Variants in CCDC73 observed in about 807,000 individuals in gnomAD.
The protein encoded by CCDC73 is coiled-coil domain containing 73.
In CCDC73, 95 loss-of-function variants were observed where a neutral mutation model predicts 116.5. The ratio of observed to expected loss-of-function variants is 0.82; its 90% CI spans 0.69 to 0.97. CCDC73 has a LOEUF of 0.97. Among genes scored for constraint, CCDC73 ranks in the 50% least tolerant of loss-of-function variants. The pLI, the probability that CCDC73 is intolerant of heterozygous loss-of-function variation, is 0.00. For missense variants in CCDC73, 1,066 were observed against 1,206.8 expected (o/e 0.88, Z 1.73); for synonymous variants, 398 against 401.3 (o/e 0.99, Z 0.10).
At position 32,654,972 on chromosome 11, in the gene CCDC73, C is replaced by T; in HGVS notation, c.646G>A (p.Glu216Lys). ...QEAEICSLKK[E>K]LKKAASDLIK... ...AAGTCTGAGGCTGCTTTTTTTAGTT[C>T]CTTAATAAGAAACATATCAAACAGA... Residue 216 changes from glutamate to lysine, a missense_variant and splice_region_variant, in exon 10 of 18, where the codon GAA becomes AAA. Glu to Lys is a moderately conservative substitution (Grantham distance 56, BLOSUM62 1). Coordinates refer to ENST00000335185, the MANE Select transcript of CCDC73 (RefSeq NM_001008391.4). 1.3e-6 allele frequency: 2 copies of T among 1,584,066 alleles called. No individual in the cohort carries two copies. Among genetic ancestry groups the T allele is most frequent in the Non-Finnish European group, 1.7e-6 (2 of 1,171,712 alleles).
At chr11:32,683,488 C>G (rs368410164) in intron 7 of CCDC73, 48 bp downstream of exon 7, 126 of 1,224,830 alleles carry the variant, frequency 1.0e-4, no homozygotes, top group Non-Finnish European at 1.4e-4. Flanking sequence ...ACCAATCCCC[C>G]TAAGTACTAA....
At chr11:32,748,324 T>C (rs1850258377) in intron 2 of CCDC73, among the ~76,000 whole-genome samples, 1 of 152,202 alleles carries the variant, frequency 6.6e-6, no homozygotes, top group Non-Finnish European at 1.5e-5. Flanking sequence ...GAGGTTACCA[T>C]TAGGCTTGCA....
chr11:32,786,655 T>C (rs1162230934), intron 1 of CCDC73, among the ~76,000 whole-genome samples: 1 of 151,302 alleles, frequency 6.6e-6, no homozygotes, highest in Non-Finnish European at 1.5e-5. Context: ...CAAAAGTACA[T>C]AATAAAAATC....
chr11:32,703,730 G>T (rs933032174), intron 3 of CCDC73, among the ~76,000 whole-genome samples: 5 of 97,976 alleles, frequency 5.1e-5, no homozygotes, highest in South Asian at 3.7e-4. Flanking sequence ...TACCACAAGA[G>T]AATTTCTGGA....
intron 14 of CCDC73, among the ~76,000 whole-genome samples, chr11:32,627,180 A>C (rs1565060044): frequency 6.6e-6 from 1 of 152,268 alleles, no homozygotes; most frequent in Non-Finnish European, 1.5e-5. Context: ...GACACTTCTC[A>C]AAAGAAGATA....
At chr11:32,775,943 CTCAAA>C (rs1850528905) in intron 1 of CCDC73, among the ~76,000 whole-genome samples, 1 of 152,146 alleles carries the variant, frequency 6.6e-6, no homozygotes, top group Non-Finnish European at 1.5e-5. Flanking sequence ...TTTCTTCTCT[CTCAAA>C]TCTTTTTAAT....
intron 3 of CCDC73, among the ~76,000 whole-genome samples, chr11:32,710,608 T>C (rs770768163): frequency 6.6e-6 from 1 of 152,214 alleles, no homozygotes; most frequent in African/African-American, 2.4e-5. Flanking sequence ...GCCTATCATA[T>C]GGTCTTTCCT....
chr11:32,723,349 G>T (rs556048107), intron 2 of CCDC73, among the ~76,000 whole-genome samples: 3 of 152,146 alleles, frequency 2.0e-5, no homozygotes, highest in Admixed American at 6.6e-5. Flanking sequence ...AAAGAGATTT[G>T]TGTAAATATA....
chr11:32,687,043 G>C (rs535078969), intron 6 of CCDC73, among the ~76,000 whole-genome samples: 2 of 152,052 alleles, frequency 1.3e-5, no homozygotes, highest in African/African-American at 4.8e-5. Context: ...AAAGCACACC[G>C]CTTTAGAGAA....
chr11:32,664,643 G>T (rs1855963310), intron 9 of CCDC73, among the ~76,000 whole-genome samples: 1 of 152,122 alleles, frequency 6.6e-6, no homozygotes, highest in African/African-American at 2.4e-5. Context: ...TGCATTCAAT[G>T]ATATTTTTGA....
chr11:32,830,405 G>T, the CCDC73 span: 2 of 1,022,604 alleles, frequency 2.0e-6, no homozygotes, highest in Non-Finnish European at 2.6e-6. Context: ...GCGCTCTTGC[G>T]CCTAGGCTTT....
At chr11:32,692,308 CTA>C (rs1272111891) in intron 6 of CCDC73, among the ~76,000 whole-genome samples, 1 of 151,988 alleles carries the variant, frequency 6.6e-6, no homozygotes, top group Non-Finnish European at 1.5e-5. Flanking sequence ...ACATTTCCTT[CTA>C]TCTTTCTCCA....
At chr11:32,745,740 TTTTG>T in intron 2 of CCDC73, among the ~76,000 whole-genome samples, 1 of 75,666 alleles carries the variant, frequency 1.3e-5, no homozygotes, top group South Asian at 4.9e-4. Context: ...TGTTTGTTTG[TTTTG>T]GTTTTTTTTT....
intron 14 of CCDC73, among the ~76,000 whole-genome samples, chr11:32,623,162 A>G (rs1855538593): frequency 6.6e-6 from 1 of 151,736 alleles, no homozygotes; most frequent in Admixed American, 6.6e-5. Context: ...GCATGCCCCC[A>G]CATGTGGCTG....
Position 32,683,583 on chromosome 11 carries a change from AT to A in CCDC73, c.391-10del. ...AAAGAGTATTTAGAAACCTTGAAAA[AT>A]AAGGGGGAAAAATCTCATTAAAATA... is the stretch of plus-strand genomic sequence containing the variant. On this transcript the variant is annotated splice_polypyrimidine_tract_variant and intron_variant, in intron 6 of 17. Transcript: ENST00000335185. 6.9e-7 allele frequency: 1 copy of A among 1,446,878 alleles called. No homozygotes were observed. The highest frequency in any genetic ancestry group is 9.6e-7 in the Non-Finnish European group (1 of 1,039,904). 89.6% of individuals were successfully genotyped at this position (1,446,878 alleles called of 1,614,324 possible).
the CCDC73 span, among the ~76,000 whole-genome samples, chr11:32,815,160 G>A: frequency 7.2e-5 from 11 of 152,148 alleles, no homozygotes; most frequent in Non-Finnish European, 1.6e-4. Context: ...AATTGTACAT[G>A]TAAAAAGATG....
At chr11:32,652,992 A>G (rs115280464) in intron 12 of CCDC73, 131 bp downstream of exon 12, 4 of 547,668 alleles carry the variant, frequency 7.3e-6, no homozygotes, top group Admixed American at 7.3e-5. Flanking sequence ...AAGGAAGTCA[A>G]TATCTTACCC....
Position 32,715,498 on chromosome 11 carries a change from G to GCACACA in CCDC73, c.207+2572_207+2577dup, listed in dbSNP as rs35260107. Among the ~76,000 whole-genome samples, 1,335 of 148,554 alleles carry GCACACA rather than the reference G, an allele frequency of 9.0e-3. 20 individuals carry two copies. Among genetic ancestry groups the GCACACA allele is most frequent in the African/African-American group, 0.026 (1,043 of 40,420 alleles). On this transcript the variant is annotated intron_variant, in intron 3 of 17. Transcript: ENST00000335185. The stretch of plus-strand genomic sequence containing the variant: ...AACAAAAGGAAAAACTGATACACAC[G>GCACACA]CACACACACACACACACACACACCA...
At chr11:32,728,250 C>CA (rs1283575752) in intron 2 of CCDC73, among the ~76,000 whole-genome samples, 1 of 151,754 alleles carries the variant, frequency 6.6e-6, no homozygotes, top group Non-Finnish European at 1.5e-5. Flanking sequence ...GACCTTGTCT[C>CA]AAAAAAATAA....
Sources: allele counts gnomAD v4.1 joint callset (sites outside exome capture counted in the v4.1 genomes callset), GRCh38; gene constraint gnomAD v4.1.1; transcripts MANE v1.5; gene names NCBI Gene and HGNC (gene_info 2026-07-23, HGNC 2026-07-21).